The following ST6GALNAC3 variants were observed in gnomAD, a reference collection of about 807,000 sequenced individuals.
ST6GALNAC3 encodes the protein alpha-N-acetylgalactosaminide alpha-2,6-sialyltransferase 3.
ST6GALNAC3 carries 25 observed loss-of-function variants against 32.7 expected under a neutral mutation model. The ratio of observed to expected loss-of-function variants is 0.76; its 90% CI spans 0.56 to 1.07. The LOEUF (loss-of-function observed/expected upper bound fraction) is 1.07, where lower values mean the gene tolerates loss of function less well. Ranked by LOEUF, ST6GALNAC3 falls within the 50% of genes least tolerant of loss-of-function variation. The pLI is 0.00. For synonymous variants in ST6GALNAC3, 129 were observed against 133.1 expected (o/e 0.97, Z 0.21); for missense variants, 355 against 382.4 (o/e 0.93, Z 0.60).
chr1:76,535,434 A>G (rs1228074453), intron 3 of ST6GALNAC3, among the ~76,000 whole-genome samples: 1 of 152,150 alleles, frequency 6.6e-6, no homozygotes, highest in Non-Finnish European at 1.5e-5. Flanking sequence ...TTAAGTATAA[A>G]TATTTTTTTC....
chr1:76,595,541 A>G (rs115687169), intron 3 of ST6GALNAC3, among the ~76,000 whole-genome samples: 76 of 152,264 alleles, frequency 5.0e-4, no homozygotes, highest in African/African-American at 1.7e-3. Context: ...CACACTTAAA[A>G]TGTTCAGAAA....
chr1:76,483,917 T>C (rs1571375414), intron 3 of ST6GALNAC3, among the ~76,000 whole-genome samples: 1 of 126,482 alleles, frequency 7.9e-6, no homozygotes, highest in East Asian at 2.1e-4. Context: ...AAGGAAGGCA[T>C]CCAGTTTCAG....
chr1:76,202,850 T>C (rs566446938), intron 1 of ST6GALNAC3, among the ~76,000 whole-genome samples: 1 of 152,320 alleles, frequency 6.6e-6, no homozygotes, highest in Non-Finnish European at 1.5e-5. Context: ...GTGTTAAATA[T>C]GGAGATCTGA....
At chr1:76,480,307 C>T (rs1376423979) in intron 3 of ST6GALNAC3, among the ~76,000 whole-genome samples, 1 of 152,092 alleles carries the variant, frequency 6.6e-6, no homozygotes, top group African/African-American at 2.4e-5. Context: ...GAGTTATCTC[C>T]TGCATTTTTG....
chr1:76,319,953 G>A (rs1646935941), intron 2 of ST6GALNAC3, among the ~76,000 whole-genome samples: 1 of 152,118 alleles, frequency 6.6e-6, no homozygotes, highest in Non-Finnish European at 1.5e-5. Context: ...TTTTTCTCAA[G>A]TATGAAAGGA....
Position 76,202,268 on chromosome 1 carries a change from ATGTGTGTG to A in ST6GALNAC3, c.19-111509_19-111502del, listed in dbSNP as rs58107501. ...GTGGGTGGAGAGTGTGTGTGCATGC[ATGTGTGTG>A]TGTGTGTGTGTGTGTGTGTGTGTGT... On this transcript the variant is annotated intron_variant, in intron 1 of 4. Transcript: ENST00000328299. Among the ~76,000 whole-genome samples the A allele has an allele frequency of 2.3e-3, 328 of 145,432 alleles. 1 individual carries two copies. The highest frequency in any genetic ancestry group is 7.8e-3 in the African/African-American group (308 of 39,368).
chr1:76,414,722 G>C (rs758079858), intron 3 of ST6GALNAC3, among the ~76,000 whole-genome samples: 5 of 151,776 alleles, frequency 3.3e-5, no homozygotes, highest in Admixed American at 6.6e-5. Flanking sequence ...TCTCACCAAA[G>C]ACTATGTTGA....
intron 1 of ST6GALNAC3, among the ~76,000 whole-genome samples, chr1:76,301,212 A>G (rs183227162): frequency 6.6e-6 from 1 of 152,066 alleles, no homozygotes; most frequent in Non-Finnish European, 1.5e-5. Context: ...CTTTAGTGGC[A>G]GCAACTCAGA....
At chr1:76,164,209 C>T (rs2100390191) in intron 1 of ST6GALNAC3, among the ~76,000 whole-genome samples, 1 of 152,230 alleles carries the variant, frequency 6.6e-6, no homozygotes, top group South Asian at 2.1e-4. Context: ...TAGGCTGCTG[C>T]TGTGAGGGTG....
chr1:76,282,017 A>T (rs1222769307), intron 1 of ST6GALNAC3, among the ~76,000 whole-genome samples: 1 of 152,192 alleles, frequency 6.6e-6, no homozygotes, highest in African/African-American at 2.4e-5. Context: ...ATGCATGAAA[A>T]ATAGACTTTT....
At chr1:76,077,447 G>T (rs1368198860) in intron 1 of ST6GALNAC3, among the ~76,000 whole-genome samples, 2 of 152,144 alleles carry the variant, frequency 1.3e-5, no homozygotes, top group African/African-American at 4.8e-5. Context: ...GTTTTTATGT[G>T]TACCACAGAG....
intron 1 of ST6GALNAC3, among the ~76,000 whole-genome samples, chr1:76,310,558 G>T (rs1011204652): frequency 6.6e-6 from 1 of 152,074 alleles, no homozygotes; most frequent in African/African-American, 2.4e-5. Flanking sequence ...GACTCCTGGG[G>T]GCTGGTTCCA....
chr1:76,200,459 C>A (rs989319647), intron 1 of ST6GALNAC3, among the ~76,000 whole-genome samples: 1 of 152,106 alleles, frequency 6.6e-6, no homozygotes, highest in African/African-American at 2.4e-5. Flanking sequence ...TTTCAGGGGT[C>A]TTTGAAAAAC....
chr1:76,463,380 G>A (rs922773847), intron 3 of ST6GALNAC3, among the ~76,000 whole-genome samples: 2 of 152,118 alleles, frequency 1.3e-5, no homozygotes, highest in Non-Finnish European at 2.9e-5. Context: ...GTGCAGAGCT[G>A]CCTTGCACAG....
At chr1:76,368,151 C>G (rs932315647) in intron 2 of ST6GALNAC3, among the ~76,000 whole-genome samples, 1 of 152,014 alleles carries the variant, frequency 6.6e-6, no homozygotes, top group Non-Finnish European at 1.5e-5. Context: ...GTTTCATGTA[C>G]CTTACAGTCT....
intron 3 of ST6GALNAC3, among the ~76,000 whole-genome samples, chr1:76,523,218 C>T (rs1401104219): frequency 6.6e-6 from 1 of 152,074 alleles, no homozygotes; most frequent in Non-Finnish European, 1.5e-5. Flanking sequence ...TTTTAATTAT[C>T]TGATAAAATT....
chr1:76,346,661 T>C (rs555646977), intron 2 of ST6GALNAC3, among the ~76,000 whole-genome samples: 2 of 152,270 alleles, frequency 1.3e-5, no homozygotes, highest in African/African-American at 4.8e-5. Flanking sequence ...TTTTGTGAGA[T>C]AGATGTGGCT....
intron 3 of ST6GALNAC3, among the ~76,000 whole-genome samples, chr1:76,489,652 C>T (rs1660365430): frequency 6.6e-6 from 1 of 152,138 alleles, no homozygotes; most frequent in African/African-American, 2.4e-5. Flanking sequence ...AATATTAAGC[C>T]TTCTCCACTT....
intron 1 of ST6GALNAC3, among the ~76,000 whole-genome samples, chr1:76,191,813 G>A (rs2100506801): frequency 6.6e-6 from 1 of 152,256 alleles, no homozygotes; most frequent in East Asian, 1.9e-4. Flanking sequence ...GGAAGGAAGA[G>A]CGGGTAGGCT....
Sources: gnomAD v4.1 joint callset for allele counts (sites outside exome capture counted in the v4.1 genomes callset) on GRCh38, gnomAD v4.1.1 for gene constraint, MANE v1.5 for transcripts, NCBI Gene and HGNC (gene_info 2026-07-23, HGNC 2026-07-21) for gene names.